The following TAFA1 variants were observed in gnomAD, a reference collection of about 807,000 sequenced individuals.
TAFA1 encodes the protein TAFA chemokine like family member 1.
Under a neutral mutation model 18.5 loss-of-function variants are expected in TAFA1, and 4 were observed. That is an observed-to-expected ratio of 0.22 (90% CI 0.11 to 0.49). The LOEUF (loss-of-function observed/expected upper bound fraction) is 0.49, where lower values mean the gene tolerates loss of function less well. Among genes scored for constraint, TAFA1 ranks in the 20% least tolerant of loss-of-function variants. The pLI is 0.98. For synonymous variants in TAFA1, 56 were observed against 55.2 expected (o/e 1.01, Z -0.06); for missense variants, 147 against 169.0 (o/e 0.87, Z 0.72).
chr3:68,312,253 G>A (rs2068533683), intron 2 of TAFA1, among the ~76,000 whole-genome samples: 1 of 152,148 alleles, frequency 6.6e-6, no homozygotes, highest in East Asian at 1.9e-4. Context: ...TTTTCTCATT[G>A]TCTTGAGGAT....
At chr3:68,289,540 C>T (rs1305964502) in intron 2 of TAFA1, among the ~76,000 whole-genome samples, 1 of 125,450 alleles carries the variant, frequency 8.0e-6, no homozygotes, top group Non-Finnish European at 1.8e-5. Context: ...GGGCTAGCTG[C>T]TATTTTATAA....
At chr3:68,131,080 T>A (rs2065530597) in intron 2 of TAFA1, among the ~76,000 whole-genome samples, 1 of 152,186 alleles carries the variant, frequency 6.6e-6, no homozygotes, top group South Asian at 2.1e-4. Context: ...TTATTAAATA[T>A]TTTAGGAAAT....
At chr3:68,305,522 G>C (rs1014081511) in intron 2 of TAFA1, among the ~76,000 whole-genome samples, 3 of 145,268 alleles carry the variant, frequency 2.1e-5, no homozygotes, top group Non-Finnish European at 3.0e-5. Context: ...TAAAGGCTTA[G>C]GGTAAGGGAG....
At chr3:68,366,009 C>T (rs2069563655) in intron 2 of TAFA1, among the ~76,000 whole-genome samples, 1 of 148,868 alleles carries the variant, frequency 6.7e-6, no homozygotes, top group African/African-American at 2.5e-5. Flanking sequence ...CACTTGAACC[C>T]CAGGAGGCAG....
At chr3:68,010,020 G>A (rs1302336307) in intron 2 of TAFA1, among the ~76,000 whole-genome samples, 1 of 152,112 alleles carries the variant, frequency 6.6e-6, no homozygotes, top group Non-Finnish European at 1.5e-5. Context: ...TGAGACACCC[G>A]CAGACCCTGA....
chr3:68,145,358 G>A lies in TAFA1; in HGVS notation c.118+138614G>A, dbSNP rs1476985827. ...AGATGCAACAAGGAGACGCACCTTTGCCCTGGTCTCTCAAGCATATACTTC... is the reference window on the plus strand; with the variant it reads ...AGATGCAACAAGGAGACGCACCTTTACCCTGGTCTCTCAAGCATATACTTC... On this transcript the variant is annotated intron_variant, in intron 2 of 4. Transcript: ENST00000478136. 10 of 814,392 alleles carry A rather than the reference G, an allele frequency of 1.2e-5. No homozygotes were observed. The African/African-American group carries it at 1.5e-4, about 12-fold the overall frequency. 50.4% of individuals were successfully genotyped at this position (814,392 alleles called of 1,614,324 possible). A position where few individuals can be genotyped will look rare whatever the true frequency, so the allele number is the denominator to read the frequency against.
intron 3 of TAFA1, among the ~76,000 whole-genome samples, chr3:68,476,743 A>C (rs2072104658): frequency 6.6e-6 from 1 of 152,174 alleles, no homozygotes; most frequent in African/African-American, 2.4e-5. Context: ...ACCAGGATCC[A>C]AGATTATTTT....
chr3:68,178,200 A>G (rs2106977283), intron 2 of TAFA1, among the ~76,000 whole-genome samples: 1 of 152,140 alleles, frequency 6.6e-6, no homozygotes, highest in East Asian at 1.9e-4. Flanking sequence ...GTATATGGTA[A>G]CTATTTATTA....
At chr3:68,058,750 T>C (rs1447207741) in intron 2 of TAFA1, among the ~76,000 whole-genome samples, 1 of 152,214 alleles carries the variant, frequency 6.6e-6, no homozygotes, top group African/African-American at 2.4e-5. Flanking sequence ...TACTGATACC[T>C]GTTTTCAGAC....
chr3:68,165,334 C>T (rs1406683464), intron 2 of TAFA1, among the ~76,000 whole-genome samples: 1 of 152,236 alleles, frequency 6.6e-6, no homozygotes, highest in East Asian at 1.9e-4. Flanking sequence ...CAGATTCTGT[C>T]CCCTCCCAAT....
At chr3:68,456,621 CT>C (rs2071671126) in intron 3 of TAFA1, among the ~76,000 whole-genome samples, 1 of 152,138 alleles carries the variant, frequency 6.6e-6, no homozygotes, top group African/African-American at 2.4e-5. Context: ...GTAATGACTT[CT>C]GTTTTTCTCA....
intron 2 of TAFA1, among the ~76,000 whole-genome samples, chr3:68,237,860 C>T (rs2066946599): frequency 6.6e-6 from 1 of 152,036 alleles, no homozygotes; most frequent in South Asian, 2.1e-4. Context: ...GATTGACTGA[C>T]TGACAAGAAT....
chr3:68,405,497 A>C (rs552020104), intron 2 of TAFA1, among the ~76,000 whole-genome samples: 2 of 151,392 alleles, frequency 1.3e-5, no homozygotes, highest in East Asian at 3.9e-4. Context: ...TAGGAGTAAT[A>C]AATAGGGAGT....
At chr3:68,263,553 G>A (rs2107205413) in intron 2 of TAFA1, among the ~76,000 whole-genome samples, 2 of 151,776 alleles carry the variant, frequency 1.3e-5, no homozygotes, top group Middle Eastern at 6.8e-3. Flanking sequence ...ACTCTGGAAG[G>A]GGTGATAGAG....
chr3:68,187,826 G>T (rs910047213), intron 2 of TAFA1, among the ~76,000 whole-genome samples: 3 of 151,910 alleles, frequency 2.0e-5, no homozygotes, highest in South Asian at 4.1e-4. Context: ...GCCAGTGCTT[G>T]GTTCTGTCAG....
chr3:68,013,540 T>A (rs1053465363), intron 2 of TAFA1, among the ~76,000 whole-genome samples: 1 of 152,168 alleles, frequency 6.6e-6, no homozygotes, highest in Non-Finnish European at 1.5e-5. Flanking sequence ...GGAGTTGTCT[T>A]GAGGGACTGA....
At chr3:68,363,767 T>C (rs2106799146) in intron 2 of TAFA1, among the ~76,000 whole-genome samples, 1 of 152,314 alleles carries the variant, frequency 6.6e-6, no homozygotes, top group East Asian at 1.9e-4. Flanking sequence ...GAATAACCAA[T>C]GAAATCTCCC....
At chr3:68,280,493 G>A (rs575958403) in intron 2 of TAFA1, among the ~76,000 whole-genome samples, 12 of 152,100 alleles carry the variant, frequency 7.9e-5, no homozygotes, top group Non-Finnish European at 1.6e-4. Flanking sequence ...GGTAAAGACC[G>A]CTTTTTAGGC....
At chr3:68,486,462 T>C (rs188910718) in intron 3 of TAFA1, among the ~76,000 whole-genome samples, 19 of 152,274 alleles carry the variant, frequency 1.2e-4, no homozygotes, top group Middle Eastern at 6.8e-3. Context: ...GCCTCCAACA[T>C]GAGAAAAGCT....
Sources: gnomAD v4.1 joint callset for allele counts (sites outside exome capture counted in the v4.1 genomes callset) on GRCh38, gnomAD v4.1.1 for gene constraint, MANE v1.5 for transcripts, NCBI Gene and HGNC (gene_info 2026-07-23, HGNC 2026-07-21) for gene names.